The following SH3GL3 variants were observed in gnomAD, a reference collection of about 807,000 sequenced individuals.
SH3GL3 encodes the protein endophilin-A3.
A neutral mutation model predicts 47.7 loss-of-function variants in SH3GL3; 33 were observed. That is an observed-to-expected ratio of 0.69 (90% CI 0.52 to 0.92). The LOEUF (loss-of-function observed/expected upper bound fraction) is 0.92, where lower values mean the gene tolerates loss of function less well. Ranked by LOEUF, SH3GL3 falls within the 40% of genes least tolerant of loss-of-function variation. The pLI is 0.00. For synonymous variants in SH3GL3, 155 were observed against 148.8 expected (o/e 1.04, Z -0.30); for missense variants, 363 against 417.8 (o/e 0.87, Z 1.14).
the SH3GL3 span, among the ~76,000 whole-genome samples, chr15:83,626,194 A>T: frequency 6.6e-6 from 1 of 151,994 alleles, no homozygotes; most frequent in Non-Finnish European, 1.5e-5. Context: ...GAGGTCCCAG[A>T]TTTTTCTTCT....
intron 8 of SH3GL3, chr15:83,609,246 A>G: frequency 4.4e-6 from 2 of 456,084 alleles, no homozygotes; most frequent in Non-Finnish European, 8.8e-6. Context: ...TTAATGTTAC[A>G]TAATCGGTTA....
In SH3GL3 at chr15:83,447,383, C is replaced by CGGCTGA; in HGVS notation, c.-146_-145insAGGCTG. On this transcript the variant is annotated 5_prime_UTR_variant, in exon 1 of 9. Coordinates refer to ENST00000427482, the MANE Select transcript of SH3GL3 (RefSeq NM_003027.5). The surrounding 1 kb of genome is among the most constrained non-coding windows in gnomAD (Gnocchi z 5.1). ...GCGCGCGTGTGTGCGAGTGTGACAG[C>CGGCTGA]GGCTGTGGCTGTGGCCGTGGCCGTG... 2.3e-6 allele frequency: 1 copy of CGGCTGA among 433,054 alleles called. No individual in the cohort carries two copies. Among genetic ancestry groups the CGGCTGA allele is most frequent in the Non-Finnish European group, 3.9e-6 (1 of 256,850 alleles). The allele number at this position is 433,054 out of a possible 1,614,324, so 26.8% of individuals were successfully genotyped here. A position where few individuals can be genotyped will look rare whatever the true frequency, so the allele number is the denominator to read the frequency against.
rs1421659843 is a variant in SH3GL3, at chr15:83,447,539, G to A, written c.6G>A (p.Ser2=). The A allele has an allele frequency of 1.3e-6, 2 of 1,504,524 alleles. No homozygotes were observed. Among genetic ancestry groups the A allele is most frequent in the Admixed American group, 4.4e-5 (2 of 45,586 alleles). The allele number at this position is 1,504,524 out of a possible 1,614,324, so 93.2% of individuals were successfully genotyped here. A position where few individuals can be genotyped will look rare whatever the true frequency, so the allele number is the denominator to read the frequency against. Residue 2 remains serine, a synonymous_variant, in exon 1 of 9, where the codon TCG becomes TCA. Coordinates refer to ENST00000427482, the MANE Select transcript of SH3GL3 (RefSeq NM_003027.5). The surrounding 1 kb of genome is among the most constrained non-coding windows in gnomAD (Gnocchi z 5.1). ...CCCTGCCGGTCGCAGTCGCGATGTC[G>A]GTGGCCGGGCTGAAGAAGCAGTTCC... M[S]VAGLKKQFHK...
intron 8 of SH3GL3, among the ~76,000 whole-genome samples, chr15:83,599,667 T>C (rs185574851): frequency 6.6e-6 from 1 of 152,344 alleles, no homozygotes; most frequent in East Asian, 1.9e-4. Flanking sequence ...TGTGCAAGTA[T>C]CTTTTTTGTA....
intron 1 of SH3GL3, among the ~76,000 whole-genome samples, chr15:83,506,497 G>C (rs1017310408): frequency 1.3e-5 from 2 of 152,134 alleles, no homozygotes; most frequent in Non-Finnish European, 2.9e-5. Flanking sequence ...GATAGGGCCT[G>C]CTCCTGCACG....
intron 8 of SH3GL3, among the ~76,000 whole-genome samples, chr15:83,608,034 A>G (rs902689310): frequency 3.3e-5 from 5 of 152,116 alleles, no homozygotes; most frequent in Non-Finnish European, 7.4e-5. Flanking sequence ...TTGTTTTGTA[A>G]GGTGGGGGAG....
intron 8 of SH3GL3, among the ~76,000 whole-genome samples, chr15:83,598,261 G>C (rs540105451): frequency 1.3e-5 from 2 of 152,236 alleles, no homozygotes; most frequent in African/African-American, 4.8e-5. Flanking sequence ...TCACCTGGCT[G>C]CTCTTTTCTC....
rs536084578 is a variant in SH3GL3, at chr15:83,448,119, G to T, written c.45+541G>T. On this transcript the variant is annotated intron_variant, in intron 1 of 8. Transcript: ENST00000427482. The surrounding 1 kb of genome is among the most constrained non-coding windows in gnomAD (Gnocchi z 4.2). ...GACTGTGCCCGGCTCCCCGGCTGGG[G>T]CTCTCTACCGCGGTCCTTCCCCTCC... Among the ~76,000 whole-genome samples the T allele has an allele frequency of 1.3e-5, 2 of 152,274 alleles. No individual in the cohort carries two copies. The highest frequency in any genetic ancestry group is 6.5e-5 in the Admixed American group (1 of 15,304).
rs148272528 is a variant in SH3GL3 at position 83,508,243 on chromosome 15, G to A, written c.46-51010G>A. On this transcript the variant is annotated intron_variant, in intron 1 of 8. Coordinates refer to ENST00000427482, the MANE Select transcript of SH3GL3 (RefSeq NM_003027.5). Reference sequence around the variant, plus strand: ...GCTTGAGCCACCGTGCCCAGCCCAGGCACAATTTTAAATACCGTGGTCACC... The same window carrying A: ...GCTTGAGCCACCGTGCCCAGCCCAGACACAATTTTAAATACCGTGGTCACC... 1.1e-3 allele frequency among the ~76,000 whole-genome samples: 173 copies of A among 151,956 alleles called. 2 individuals carry two copies. Among genetic ancestry groups the A allele is most frequent in the African/African-American group, 3.9e-3 (162 of 41,458 alleles).
chr15:83,580,080 A>G (rs2059792264), intron 6 of SH3GL3, among the ~76,000 whole-genome samples: 1 of 152,224 alleles, frequency 6.6e-6, no homozygotes, highest in Admixed American at 6.5e-5. Context: ...GCCCATCTCC[A>G]ACAACCAGGC....
chr15:83,541,830 A>G (rs2044180666), intron 1 of SH3GL3, among the ~76,000 whole-genome samples: 1 of 152,120 alleles, frequency 6.6e-6, no homozygotes, highest in African/African-American at 2.4e-5. Flanking sequence ...TTTTTCCTAT[A>G]GAGTTATTTG....
the SH3GL3 span, among the ~76,000 whole-genome samples, chr15:83,625,725 G>T: frequency 3.3e-5 from 5 of 151,188 alleles, no homozygotes; most frequent in African/African-American, 9.7e-5. Context: ...TCCTCTTTAG[G>T]TATACGTAAT....
the SH3GL3 span, among the ~76,000 whole-genome samples, chr15:83,626,079 G>A: frequency 1.9e-4 from 29 of 152,294 alleles, no homozygotes; most frequent in African/African-American, 6.5e-4. Flanking sequence ...TGATCTGCCC[G>A]TGTTGGCCTC....
At chr15:83,495,751 T>G (rs181320737) in intron 1 of SH3GL3, among the ~76,000 whole-genome samples, 20 of 151,656 alleles carry the variant, frequency 1.3e-4, no homozygotes, top group African/African-American at 4.8e-4. Flanking sequence ...GAAAAAAAAA[T>G]GTTGCACTAA....
intron 1 of SH3GL3, among the ~76,000 whole-genome samples, chr15:83,550,685 C>T (rs867628217): frequency 2.5e-4 from 38 of 152,250 alleles, no homozygotes; most frequent in African/African-American, 8.4e-4. Context: ...CCACTGTGCC[C>T]GGCCCTCCAT....
intron 1 of SH3GL3, among the ~76,000 whole-genome samples, chr15:83,513,988 AT>A (rs919018040): frequency 6.6e-6 from 1 of 151,998 alleles, no homozygotes; most frequent in Non-Finnish European, 1.5e-5. Context: ...GTCCATGAGG[AT>A]TTTTTCCATG....
chr15:83,603,642 G>T (rs907423729), intron 8 of SH3GL3, among the ~76,000 whole-genome samples: 7 of 152,144 alleles, frequency 4.6e-5, no homozygotes, highest in African/African-American at 1.4e-4. Flanking sequence ...ACCAACCTCT[G>T]CTCTTTCTTT....
At chr15:83,610,219 A>G (rs1426294474) in intron 8 of SH3GL3, among the ~76,000 whole-genome samples, 1 of 152,180 alleles carries the variant, frequency 6.6e-6, no homozygotes, top group Non-Finnish European at 1.5e-5. Flanking sequence ...GGGCCACCCC[A>G]TTGAATGGGA....
Position 83,618,474 on chromosome 15 carries a change from A to G in SH3GL3, c.*187A>G, listed in dbSNP as rs1054884455. ...TAAATGATTTTCTTGTCCTTGCTAC[A>G]TGAAAATATTTTCTTTTTTGCTTCC... On this transcript the variant is annotated 3_prime_UTR_variant, in exon 9 of 9. Transcript: ENST00000427482. 5 of 486,448 alleles carry G rather than the reference A, an allele frequency of 1.0e-5. No individual in the cohort carries two copies. Among genetic ancestry groups the G allele is most frequent in the South Asian group, 5.0e-5 (2 of 40,076 alleles). 30.1% of individuals were successfully genotyped at this position (486,448 alleles called of 1,614,324 possible).
Sources: gnomAD v4.1 joint callset for allele counts (sites outside exome capture counted in the v4.1 genomes callset) on GRCh38, gnomAD v4.1.1 for gene constraint, Gnocchi (gnomAD v3.1) non-coding constraint, MANE v1.5 for transcripts, NCBI Gene and HGNC (gene_info 2026-07-23, HGNC 2026-07-21) for gene names.